OGFOD2: variants seen among roughly 807,000 people sequenced by gnomAD.
OGFOD2 encodes the protein 2-oxoglutarate and iron dependent oxygenase domain containing 2.
In OGFOD2, 34 loss-of-function variants were observed where a neutral mutation model predicts 31.1. The ratio of observed to expected loss-of-function variants is 1.09; its 90% CI spans 0.83 to 1.45. The LOEUF is 1.45. Among genes scored for constraint, OGFOD2 ranks in the 40% most tolerant of loss-of-function variants. OGFOD2 has a pLI of 0.00. For missense variants in OGFOD2, 537 were observed against 433.9 expected (o/e 1.24, Z -2.11); for synonymous variants, 240 against 192.3 (o/e 1.25, Z -2.05).
At chr12:122,979,422 C>G in exon 7 of OGFOD2, 1 of 1,486,008 alleles carries the variant, frequency 6.7e-7, no homozygotes, top group Non-Finnish European at 9.0e-7. Context: ...GAAATAAAAT[C>G]CCCGCAGCCT....
At chr12:122,976,405 C>CTA in intron 2 of OGFOD2, 1 of 1,613,826 alleles carries the variant, frequency 6.2e-7, no homozygotes, top group Non-Finnish European at 8.5e-7. Context: ...GGTTGAGGTA[C>CTA]ATCTAGGGGT....
At chr12:122,975,592 T>C in intron 1 of OGFOD2, 1 of 596,978 alleles carries the variant, frequency 1.7e-6, no homozygotes. Context: ...AACAAGCATG[T>C]AGGGTGCTTA....
chr12:122,978,770 C>T (rs200158813), exon 6 of OGFOD2: 56 of 1,608,712 alleles, frequency 3.5e-5, no homozygotes, highest in South Asian at 2.2e-4. Context: ...TGCACGAGCT[C>T]GGGCTGGACG....
exon 1 of OGFOD2, chr12:122,975,320 G>A: frequency 1.4e-6 from 1 of 702,284 alleles, no homozygotes; most frequent in Non-Finnish European, 2.6e-6. Flanking sequence ...ACTTGTACGT[G>A]GCGCGCTATG....
chr12:122,978,562 A>T, exon 5 of OGFOD2: 1 of 1,612,438 alleles, frequency 6.2e-7, no homozygotes, highest in Non-Finnish European at 8.5e-7. Flanking sequence ...ACCATGAACA[A>T]CTACGGGGTG....
intron 4 of OGFOD2, 130 bp from the exon 5 acceptor site, chr12:122,978,312 G>A (rs1182205741): frequency 4.3e-6 from 5 of 1,157,256 alleles, no homozygotes; most frequent in Non-Finnish European, 6.1e-6. Context: ...ACTTCCTTAA[G>A]TCATCACAAT....
chr12:122,977,349 A>C, intron 4 of OGFOD2: 1 of 325,150 alleles, frequency 3.1e-6, no homozygotes, highest in Non-Finnish European at 6.0e-6. Context: ...CCGGCCCCCC[A>C]GGGCTGGCAA....
At chr12:122,976,570 G>T in intron 2 of OGFOD2, 84 bp from the exon 3 acceptor site, 1 of 1,305,304 alleles carries the variant, frequency 7.7e-7, no homozygotes, top group Non-Finnish European at 1.1e-6. Context: ...CCTGTCTGGC[G>T]TTCTGGGCTT....
At chr12:122,979,229 G>C in exon 7 of OGFOD2, 1 of 1,612,688 alleles carries the variant, frequency 6.2e-7, no homozygotes, top group Non-Finnish European at 8.5e-7. Flanking sequence ...CCTCTGCTGT[G>C]CGCAACAGCC....
upstream of OGFOD2, chr12:122,975,199 G>C (rs2037374496): frequency 3.7e-6 from 2 of 544,634 alleles, no homozygotes; most frequent in Non-Finnish European, 6.7e-6. Flanking sequence ...CCGCGGTTGG[G>C]GGCGTGCCCG....
rs368692472 is a variant in OGFOD2, at chr12:122,979,260, G to C, written c.967G>C (p.Glu323Gln). Residue 323 changes from glutamate to glutamine, a missense_variant, in exon 7 of 7, where the codon GAG (glutamate) becomes CAG (glutamine). Glu to Gln is a conservative substitution (Grantham distance 29, BLOSUM62 2). Transcript: ENST00000228922. ...CAGCCTCTGTCCCATGTGCTGCCGTGAGCCCGACCTGGTGGACGATGAGGG... is the reference window on the plus strand; with the variant it reads ...CAGCCTCTGTCCCATGTGCTGCCGTCAGCCCGACCTGGTGGACGATGAGGG... 1.6e-5 allele frequency: 26 copies of C among 1,612,888 alleles called. No homozygotes were observed. Among genetic ancestry groups the C allele is most frequent in the Non-Finnish European group, 2.0e-5 (24 of 1,180,010 alleles).
exon 2 of OGFOD2, chr12:122,975,826 G>C: frequency 2.8e-6 from 2 of 702,988 alleles, no homozygotes. Context: ...GCGCAGCCGA[G>C]GCTGTGTTAG....
In OGFOD2 at chr12:122,975,635, G is replaced by T. The variant is rs555195880; in HGVS notation, c.133-176G>T. 77 of 610,232 alleles carry T rather than the reference G, an allele frequency of 1.3e-4. No homozygotes were observed. The East Asian group carries it at 2.1e-3, about 16-fold the overall frequency. 37.8% of individuals were successfully genotyped at this position (610,232 alleles called of 1,614,324 possible). On this transcript the variant is annotated intron_variant, in intron 1 of 6. Coordinates refer to ENST00000228922, the Ensembl canonical transcript of OGFOD2. ...GCCGGGCTCAGCTTGCCGCCTCACAGCAACACCAGCCCGGAGCCCTGTCCT... is the reference window on the plus strand; with the variant it reads ...GCCGGGCTCAGCTTGCCGCCTCACATCAACACCAGCCCGGAGCCCTGTCCT...
At chr12:122,975,415 TG>T in intron 1 of OGFOD2, 32 bp downstream of exon 1, 1 of 676,082 alleles carries the variant, frequency 1.5e-6, no homozygotes, top group South Asian at 1.5e-5. Flanking sequence ...TACGGAGCAG[TG>T]GGCAGAGAGG....
chr12:122,979,974 T>G, exon 7 of OGFOD2: 1 of 383,060 alleles, frequency 2.6e-6, no homozygotes, highest in Non-Finnish European at 4.6e-6. Context: ...CGTTTCCTCA[T>G]TTAGCACCTA....
At chr12:122,974,987 A>G (rs2037365450), upstream of OGFOD2, 1 of 345,994 alleles carries the variant, frequency 2.9e-6, no homozygotes, top group East Asian at 4.5e-5. Context: ...TGAAGGCACG[A>G]CCCAGTTCAG....
chr12:122,978,797 A>C (rs1407535852), exon 6 of OGFOD2: 2 of 1,612,062 alleles, frequency 1.2e-6, no homozygotes, highest in Non-Finnish European at 1.7e-6. Flanking sequence ...TGATGACACC[A>C]CTGCGGGAGC....
At chr12:122,978,453 A>T in exon 5 of OGFOD2, 1 of 1,613,490 alleles carries the variant, frequency 6.2e-7, no homozygotes, top group Non-Finnish European at 8.5e-7. Context: ...GGAGAAGCGC[A>T]TCTACCGGGT....
intron 1 of OGFOD2, 190 bp downstream of exon 1, chr12:122,975,573 G>A (rs2037393927): frequency 1.7e-6 from 1 of 591,672 alleles, no homozygotes; most frequent in Non-Finnish European, 3.0e-6. Flanking sequence ...AGATTGTGAG[G>A]AAGGAATGAA....
Sources: allele counts gnomAD v4.1 joint callset, GRCh38; gene constraint gnomAD v4.1.1; transcripts MANE v1.5; gene names NCBI Gene and HGNC (gene_info 2026-07-23, HGNC 2026-07-21).